Variants in MYH3 observed in about 807,000 individuals in gnomAD.
MYH3 encodes the protein myosin-3.
MYH3 carries 130 observed loss-of-function variants against 238.0 expected under a neutral mutation model. The ratio of observed to expected loss-of-function variants is 0.55; its 90% CI spans 0.47 to 0.63. The LOEUF (loss-of-function observed/expected upper bound fraction) is 0.63, where lower values mean the gene tolerates loss of function less well. Ranked by LOEUF, MYH3 falls within the 30% of genes least tolerant of loss-of-function variation. MYH3 has a pLI of 0.00. For missense variants in MYH3, 1,853 were observed against 2,374.9 expected, an observed-to-expected ratio of 0.78 and a Z score of 4.57; for synonymous variants, 880 against 924.1, an observed-to-expected ratio of 0.95 and a Z score of 0.86.
At position 10,642,103 on chromosome 17, in the gene MYH3, G is replaced by T; in HGVS notation, c.1959+137C>A. ...CCGTATTTATTATATTTTATCATCT[G>T]TCACTTCACCTCAGTGACAGTAATC... is the stretch of plus-strand genomic sequence containing the variant. On this transcript the variant is annotated intron_variant, in intron 17 of 40. Transcript: ENST00000583535. This position sits in a 1 kb window ranked among gnomAD's most constrained non-coding sequence, Gnocchi z 5.4. 1.3e-6 allele frequency: 1 copy of T among 746,248 alleles called. No individual in the cohort carries two copies. The highest frequency in any genetic ancestry group is 2.3e-6 in the Non-Finnish European group (1 of 433,872). 46.2% of individuals were successfully genotyped at this position (746,248 alleles called of 1,614,324 possible). A position where few individuals can be genotyped will look rare whatever the true frequency, so the allele number is the denominator to read the frequency against.
In MYH3 at chr17:10,642,361, T is replaced by C. The variant is rs2074280873; in HGVS notation, c.1889-51A>G. 3 of 1,614,044 alleles carry C rather than the reference T, an allele frequency of 1.9e-6. No homozygotes were observed. Among genetic ancestry groups the C allele is most frequent in the South Asian group, 2.2e-5 (2 of 91,070 alleles). On this transcript the variant is annotated intron_variant, in intron 16 of 40. Transcript: ENST00000583535. The surrounding 1 kb of genome is among the most constrained non-coding windows in gnomAD (Gnocchi z 5.4). ...GCTGTAGGTGAATCTAAAAGGTTTT[T>C]TGTTACTGTGGAACAAATGGAGGGA...
At chr17:10,641,670 ACACC>A (rs2074274053) in intron 17 of MYH3, among the ~76,000 whole-genome samples, 1 of 151,916 alleles carries the variant, frequency 6.6e-6, no homozygotes, top group Non-Finnish European at 1.5e-5. Flanking sequence ...ATATGCCACC[ACACC>A]TGGCTAATTT....
Position 10,638,237 on chromosome 17 carries a change from GGTCCCT to G in MYH3, c.3529_3534del (p.Arg1177_Asp1178del). On this transcript the variant is annotated inframe_deletion, in exon 27 of 41. Transcript: ENST00000583535. Reference sequence around the variant, plus strand: ...TCGTGCTGCAGTGTGGCCTCCTCCAGGTCCCTGCGCAGCTTCAGGAACTCCGCCTCC... The same window carrying G: ...TCGTGCTGCAGTGTGGCCTCCTCCAGGCGCAGCTTCAGGAACTCCGCCTCC... The G allele has an allele frequency of 6.2e-7, 1 of 1,613,894 alleles. No individual in the cohort carries two copies. The highest frequency in any genetic ancestry group is 8.5e-7 in the Non-Finnish European group (1 of 1,179,998).
chr17:10,653,922 C>A (rs545928371), intron 3 of MYH3, among the ~76,000 whole-genome samples: 107 of 152,286 alleles, frequency 7.0e-4, no homozygotes, highest in Non-Finnish European at 1.2e-3. Context: ...AGAGAGCCAC[C>A]TTTTCGGAGC....
At chr17:10,669,300 C>T in the MYH3 span, among the ~76,000 whole-genome samples, 1 of 152,124 alleles carries the variant, frequency 6.6e-6, no homozygotes, top group Non-Finnish European at 1.5e-5. Flanking sequence ...CACCTGTAAT[C>T]CCAGAACTTT....
intron 34 of MYH3, 51 bp from the exon 35 acceptor site, chr17:10,632,067 C>A: frequency 1.3e-6 from 2 of 1,577,736 alleles, no homozygotes; most frequent in Non-Finnish European, 1.7e-6. Flanking sequence ...GTTAGGACCA[C>A]GAGCCTCATC....
chr17:10,640,717 C>T, intron 19 of MYH3, 31 bp from the exon 20 acceptor site: 5 of 1,611,532 alleles, frequency 3.1e-6, no homozygotes, highest in Middle Eastern at 1.7e-4. Context: ...TCATCACAGA[C>T]TGTTGGCAAA....
chr17:10,633,742 T>G (rs374924521), intron 32 of MYH3, 27 bp from the exon 33 acceptor site: 3 of 1,613,410 alleles, frequency 1.9e-6, no homozygotes, highest in South Asian at 1.1e-5. Flanking sequence ...TTCAGTTGCA[T>G]ATGAGCGCCT....
chr17:10,639,381 C>T lies in MYH3; in HGVS notation c.3019G>A (p.Ala1007Thr). ...TCTTCAGCTTGGAGGTCATCCAAGGCCTGCTGGTGCGCCTCTTGGAGGGCC... is the reference window on the plus strand; with the variant it reads ...TCTTCAGCTTGGAGGTCATCCAAGGTCTGCTGGTGCGCCTCTTGGAGGGCC... Reference protein sequence around the residue: ...KKALQEAHQQALDDLQAEEDK... With the variant: ...KKALQEAHQQTLDDLQAEEDK... Residue 1007 changes from alanine (A) to threonine (T), a missense_variant, in exon 24 of 41, where the codon GCC (alanine) becomes ACC (threonine). Physicochemically the swap from Ala to Thr is moderately conservative, Grantham distance 58. This residue lies in a region of MYH3 where 1,044 missense variants were observed against 1,192.6 expected (regional missense o/e 0.88). Coordinates refer to ENST00000583535, the MANE Select transcript of MYH3 (RefSeq NM_002470.4). 1.2e-6 allele frequency: 2 copies of T among 1,614,120 alleles called. No homozygotes were observed. Among genetic ancestry groups the T allele is most frequent in the South Asian group, 2.2e-5 (2 of 91,066 alleles).
rs2074234689 is a variant in MYH3, at chr17:10,638,238, G to A, written c.3534C>T (p.Asp1178=). 4 of 1,613,810 alleles carry A rather than the reference G, an allele frequency of 2.5e-6. No individual in the cohort carries two copies. Among genetic ancestry groups the A allele is most frequent in the Non-Finnish European group, 2.5e-6 (3 of 1,179,976 alleles). ...REAEFLKLRR[D]LEEATLQHEA... ...CGTGCTGCAGTGTGGCCTCCTCCAGGTCCCTGCGCAGCTTCAGGAACTCCG... is the reference window on the plus strand; with the variant it reads ...CGTGCTGCAGTGTGGCCTCCTCCAGATCCCTGCGCAGCTTCAGGAACTCCG... Residue 1178 remains aspartate (D), a synonymous_variant, in exon 27 of 41, where the codon GAC becomes GAT. Transcript: ENST00000583535.
At position 10,652,778 on chromosome 17, in the gene MYH3, C is replaced by T. The variant is rs185584341; in HGVS notation, c.205-215G>A. ...CTGGGATTACAGGCGCCCGCCACCA[C>T]ACCCGGCTAATTTTTTTTATTTTTA... On this transcript the variant is annotated intron_variant, in intron 3 of 40. Coordinates refer to ENST00000583535, the MANE Select transcript of MYH3 (RefSeq NM_002470.4). 0.017 allele frequency among the ~76,000 whole-genome samples: 2,547 copies of T among 151,932 alleles called. 77 individuals are homozygous for T. Among genetic ancestry groups the T allele is most frequent in the African/African-American group, 0.058 (2,405 of 41,420 alleles).
At chr17:10,640,790 C>T (rs2074264051) in intron 19 of MYH3, 104 bp from the exon 20 acceptor site, 1 of 1,417,120 alleles carries the variant, frequency 7.1e-7, no homozygotes, top group Admixed American at 1.9e-5. Flanking sequence ...GGCCAAGGTC[C>T]CAGGAGATGA....
chr17:10,647,470 C>A (rs376949594), intron 8 of MYH3, 44 bp from the exon 9 acceptor site: 10 of 1,589,054 alleles, frequency 6.3e-6, no homozygotes, highest in Non-Finnish European at 7.8e-6. Flanking sequence ...TCTACCATGG[C>A]CCAATAGTTC....
chr17:10,659,327 T>C (rs1343422621), upstream of MYH3, among the ~76,000 whole-genome samples: 1 of 152,198 alleles, frequency 6.6e-6, no homozygotes, highest in Non-Finnish European at 1.5e-5. Flanking sequence ...CTCGCCTGGC[T>C]TTCCACACTG....
chr17:10,662,276 C>A (rs563191284), upstream of MYH3, among the ~76,000 whole-genome samples: 2 of 152,320 alleles, frequency 1.3e-5, no homozygotes, highest in Admixed American at 1.3e-4. Flanking sequence ...CCCGCCTTGG[C>A]CTCCCAAAGT....
At chr17:10,638,695 T>C (rs1025815417) in intron 26 of MYH3, among the ~76,000 whole-genome samples, 178 bp downstream of exon 26, 1 of 152,220 alleles carries the variant, frequency 6.6e-6, no homozygotes, top group African/African-American at 2.4e-5. Flanking sequence ...GATTAAAGTA[T>C]TTAATCAGAT....
In MYH3 at chr17:10,632,489, T is replaced by G. The variant is rs1186846705; in HGVS notation, c.4943A>C (p.Gln1648Pro). 6 of 1,613,724 alleles carry G rather than the reference T, an allele frequency of 3.7e-6. No individual in the cohort carries two copies. The highest frequency in any genetic ancestry group is 1.1e-5 in the South Asian group (1 of 91,090). The stretch of plus-strand genomic sequence containing the variant: ...GTTCTCTCAAACCTTCAGCTGTCCC[T>G]GGACACTCCTGAGGTGTTTGAGGGT... ...AETLKHLRSVQGQLKDTQLHL... is the reference protein window; with the variant it reads ...AETLKHLRSVPGQLKDTQLHL... Residue 1648 changes from glutamine to proline, a missense_variant, in exon 34 of 41, where the codon CAG becomes CCG. Gln to Pro is a moderately conservative substitution (Grantham distance 76, BLOSUM62 -1). Coordinates refer to ENST00000583535, the MANE Select transcript of MYH3 (RefSeq NM_002470.4).
chr17:10,667,695 A>G, the MYH3 span, among the ~76,000 whole-genome samples: 1 of 151,972 alleles, frequency 6.6e-6, no homozygotes, highest in Non-Finnish European at 1.5e-5. Flanking sequence ...AAAAAAAAAA[A>G]AAAGAATTAG....
At chr17:10,670,097 G>A in the MYH3 span, among the ~76,000 whole-genome samples, 3 of 152,098 alleles carry the variant, frequency 2.0e-5, no homozygotes, top group Non-Finnish European at 4.4e-5. This position sits in a 1 kb window ranked among gnomAD's most constrained non-coding sequence, Gnocchi z 7.0. Context: ...CATTCTCCAG[G>A]GGGAATGTCC....
Sources: gnomAD v4.1 joint callset for allele counts (sites outside exome capture counted in the v4.1 genomes callset) on GRCh38, gnomAD v4.1.1 for gene constraint, gnomAD v4.1.1 regional missense constraint, Gnocchi (gnomAD v3.1) non-coding constraint, MANE v1.5 for transcripts, NCBI Gene and HGNC (gene_info 2026-07-23, HGNC 2026-07-21) for gene names.